ASIC2: variants seen among roughly 807,000 people sequenced by gnomAD.
ASIC2 encodes the protein acid sensing ion channel subunit 2.
Under a neutral mutation model 57.3 loss-of-function variants are expected in ASIC2, and 25 were observed. The ratio of observed to expected loss-of-function variants is 0.44; its 90% CI spans 0.32 to 0.61. ASIC2 has a LOEUF of 0.61. ASIC2 is among the 20% of genes least tolerant of loss of function. The probability of loss-of-function intolerance (pLI) is 0.06; values close to 1 mark genes in which losing one functional copy is unlikely to be tolerated. For missense variants in ASIC2, 641 were observed against 738.1 expected (o/e 0.87, Z 1.52); for synonymous variants, 319 against 307.5 (o/e 1.04, Z -0.39).
chr17:33,435,474 C>A (rs1007641924), intron 1 of ASIC2, among the ~76,000 whole-genome samples: 1 of 152,150 alleles, frequency 6.6e-6, no homozygotes, highest in African/African-American at 2.4e-5. Flanking sequence ...AATTAAAATG[C>A]ATCACACATA....
rs1439699884 is a variant in ASIC2, at chr17:33,392,201, T to A, written c.556-280134A>T. On this transcript the variant is annotated intron_variant, in intron 1 of 9. Coordinates refer to the ASIC2 transcript ENST00000359872. ...TTCCTTCCTTCCTTCCTTCCCTCCTTCCTTCCTTCCTTCCTTCCTTCCTTC... is the reference window on the plus strand; with the variant it reads ...TTCCTTCCTTCCTTCCTTCCCTCCTACCTTCCTTCCTTCCTTCCTTCCTTC... Among the ~76,000 whole-genome samples, 52 of 119,890 alleles carry A rather than the reference T, an allele frequency of 4.3e-4. 1 individual carries two copies. Among genetic ancestry groups the A allele is most frequent in the Non-Finnish European group, 1.8e-4 (9 of 50,226 alleles). 78.7% of individuals were successfully genotyped at this position (119,890 alleles called of 152,430 possible).
intron 1 of ASIC2, among the ~76,000 whole-genome samples, chr17:33,558,833 C>G (rs757375219): frequency 7.2e-5 from 11 of 152,042 alleles, no homozygotes; most frequent in Non-Finnish European, 1.2e-4. Flanking sequence ...CTGGCTCAAT[C>G]TCAGCCTAAT....
At chr17:33,723,626 G>A (rs1272112236) in intron 1 of ASIC2, among the ~76,000 whole-genome samples, 1 of 152,176 alleles carries the variant, frequency 6.6e-6, no homozygotes, top group Non-Finnish European at 1.5e-5. Context: ...ACTGCACCCA[G>A]CCCTATGATT....
At chr17:33,447,878 C>T (rs1184550874) in intron 1 of ASIC2, among the ~76,000 whole-genome samples, 1 of 113,286 alleles carries the variant, frequency 8.8e-6, no homozygotes, top group Non-Finnish European at 1.7e-5. Context: ...AAAGAAAAGA[C>T]AACTAGCCTG....
At chr17:33,442,942 A>C (rs1047770381) in intron 1 of ASIC2, among the ~76,000 whole-genome samples, 1 of 152,198 alleles carries the variant, frequency 6.6e-6, no homozygotes, top group African/African-American at 2.4e-5. Flanking sequence ...CAACCAAGAA[A>C]GTTCCCTACT....
intron 1 of ASIC2, among the ~76,000 whole-genome samples, chr17:33,728,493 C>T (rs1038528783): frequency 2.6e-5 from 4 of 152,168 alleles, no homozygotes; most frequent in African/African-American, 7.2e-5. Context: ...CTATTTTGGA[C>T]AACATCATTT....
chr17:34,091,642 G>A (rs1479247752), intron 1 of ASIC2, among the ~76,000 whole-genome samples: 1 of 152,252 alleles, frequency 6.6e-6, no homozygotes, highest in Admixed American at 6.5e-5. Flanking sequence ...CAAGTGGAAA[G>A]CACTTGAAAA....
At chr17:33,515,412 C>A (rs1410625793) in intron 1 of ASIC2, among the ~76,000 whole-genome samples, 2 of 152,326 alleles carry the variant, frequency 1.3e-5, no homozygotes, top group South Asian at 2.1e-4. Context: ...GCTCTGGCAC[C>A]AAACTCACTC....
intron 1 of ASIC2, among the ~76,000 whole-genome samples, chr17:33,635,484 T>G (rs1310718369): frequency 6.6e-6 from 1 of 152,164 alleles, no homozygotes; most frequent in Non-Finnish European, 1.5e-5. Context: ...ACTACCTGCA[T>G]TAGGGGACAT....
chr17:33,537,412 C>T (rs994474480), intron 1 of ASIC2, among the ~76,000 whole-genome samples: 1 of 152,196 alleles, frequency 6.6e-6, no homozygotes, highest in Admixed American at 6.5e-5. Flanking sequence ...TGCCACAGCA[C>T]GTGCTTCCTG....
chr17:33,722,461 A>G (rs1026175119), intron 1 of ASIC2, among the ~76,000 whole-genome samples: 3 of 152,224 alleles, frequency 2.0e-5, no homozygotes, highest in Admixed American at 6.5e-5. Context: ...TTCCGCAAGT[A>G]ATTTATAGAA....
At chr17:33,306,140 C>T (rs532944227) in intron 1 of ASIC2, among the ~76,000 whole-genome samples, 4 of 152,204 alleles carry the variant, frequency 2.6e-5, no homozygotes, top group East Asian at 1.9e-4. Flanking sequence ...AAGGAATAAA[C>T]GATAAAAGAG....
chr17:33,884,399 TTCTCC>T (rs1235941275), intron 1 of ASIC2, among the ~76,000 whole-genome samples: 3 of 152,166 alleles, frequency 2.0e-5, no homozygotes, highest in Admixed American at 6.5e-5. Flanking sequence ...TCCTGGATGC[TTCTCC>T]ATAGTTATCA....
In ASIC2 at chr17:33,740,923, G is replaced by A. The variant is rs116061720; in HGVS notation, c.555+415055C>T. ...GTCCCTTCAACAGGGTTATAGTAAG[G>A]GGCAAGGAAATTCACATTCTGCTGT... On this transcript the variant is annotated intron_variant, in intron 1 of 9. Coordinates refer to the ASIC2 transcript ENST00000359872. Among the ~76,000 whole-genome samples the A allele has an allele frequency of 9.1e-3, 1,391 of 152,212 alleles. 29 individuals carry two copies. The highest frequency in any genetic ancestry group is 0.032 in the African/African-American group (1,343 of 41,510).
intron 1 of ASIC2, among the ~76,000 whole-genome samples, chr17:33,321,507 A>G (rs2142215888): frequency 6.6e-6 from 1 of 152,330 alleles, no homozygotes; most frequent in East Asian, 1.9e-4. Context: ...ACAGTTTAAA[A>G]TGTTTATCAT....
intron 1 of ASIC2, among the ~76,000 whole-genome samples, chr17:33,654,778 A>G (rs1907026939): frequency 6.6e-6 from 1 of 152,228 alleles, no homozygotes. Context: ...AAAACAGGCC[A>G]CTAAGAAGCT....
chr17:33,686,431 T>C (rs746508182), intron 1 of ASIC2, among the ~76,000 whole-genome samples: 14 of 152,142 alleles, frequency 9.2e-5, no homozygotes, highest in Non-Finnish European at 1.8e-4. Flanking sequence ...CTGTTCAGTA[T>C]GTAATTCTGT....
At chr17:33,080,433 G>C (rs2092108542) in intron 3 of ASIC2, among the ~76,000 whole-genome samples, 1 of 152,080 alleles carries the variant, frequency 6.6e-6, no homozygotes, top group Admixed American at 6.6e-5. Flanking sequence ...GAAGAATCAG[G>C]GATAAGCGAG....
chr17:33,978,311 G>T (rs900725975), intron 1 of ASIC2, among the ~76,000 whole-genome samples: 2 of 152,286 alleles, frequency 1.3e-5, no homozygotes, highest in South Asian at 4.1e-4. Flanking sequence ...CCAGGGCTAC[G>T]TAGAAAATAT....
Sources: allele counts gnomAD v4.1 joint callset (sites outside exome capture counted in the v4.1 genomes callset), GRCh38; gene constraint gnomAD v4.1.1; transcripts MANE v1.5; gene names NCBI Gene and HGNC (gene_info 2026-07-23, HGNC 2026-07-21).